Variants in ST6GALNAC3 observed in about 807,000 individuals in gnomAD.
The protein encoded by ST6GALNAC3 is alpha-N-acetylgalactosaminide alpha-2,6-sialyltransferase 3.
Under a neutral mutation model 32.7 loss-of-function variants are expected in ST6GALNAC3, and 25 were observed. The ratio of observed to expected loss-of-function variants is 0.76; its 90% CI spans 0.56 to 1.07. The LOEUF (loss-of-function observed/expected upper bound fraction) is 1.07, where lower values mean the gene tolerates loss of function less well. ST6GALNAC3 is among the 50% of genes least tolerant of loss of function. The pLI is 0.00. For missense variants in ST6GALNAC3, 355 were observed against 382.4 expected (o/e 0.93, Z 0.60); for synonymous variants, 129 against 133.1 (o/e 0.97, Z 0.21).
Position 76,569,896 on chromosome 1 carries a change from G to A in ST6GALNAC3, c.624-57556G>A, listed in dbSNP as rs568892286. On this transcript the variant is annotated intron_variant, in intron 3 of 4. Coordinates refer to ENST00000328299, the MANE Select transcript of ST6GALNAC3 (RefSeq NM_152996.4). ...AAGCCATGAAACTCCTATGTTCTTGGATTTGATGTTCATAAAATTAAGGAA... is the reference window on the plus strand; with the variant it reads ...AAGCCATGAAACTCCTATGTTCTTGAATTTGATGTTCATAAAATTAAGGAA... Among the ~76,000 whole-genome samples, 3 of 152,054 alleles carry A rather than the reference G, an allele frequency of 2.0e-5. No homozygotes were observed. In the South Asian group the frequency reaches 6.2e-4, roughly 32 times the overall value.
intron 1 of ST6GALNAC3, among the ~76,000 whole-genome samples, chr1:76,125,731 A>G (rs748153478): frequency 6.6e-6 from 1 of 152,208 alleles, no homozygotes; most frequent in East Asian, 1.9e-4. Flanking sequence ...CGCTTCTGGC[A>G]TCTTAGCTTT....
At chr1:76,081,672 T>C (rs1179559300) in intron 1 of ST6GALNAC3, among the ~76,000 whole-genome samples, 1 of 152,196 alleles carries the variant, frequency 6.6e-6, no homozygotes, top group Non-Finnish European at 1.5e-5. Context: ...TCTTTGACCC[T>C]GGGCAAGTTA....
chr1:76,202,152 C>T (rs1401868705), intron 1 of ST6GALNAC3, among the ~76,000 whole-genome samples: 1 of 151,964 alleles, frequency 6.6e-6, no homozygotes, highest in Non-Finnish European at 1.5e-5. Flanking sequence ...ATGAATACAT[C>T]TTTGATTTCA....
chr1:76,149,079 A>T (rs903938798), intron 1 of ST6GALNAC3, among the ~76,000 whole-genome samples: 2 of 152,212 alleles, frequency 1.3e-5, no homozygotes, highest in African/African-American at 4.8e-5. Flanking sequence ...TAAAGCTTGG[A>T]GCACAGTGTA....
chr1:76,203,012 A>G (rs1241709891), intron 1 of ST6GALNAC3, among the ~76,000 whole-genome samples: 1 of 152,236 alleles, frequency 6.6e-6, no homozygotes, highest in African/African-American at 2.4e-5. Context: ...GGGGAGTTGC[A>G]GGATTGGAAT....
intron 3 of ST6GALNAC3, among the ~76,000 whole-genome samples, chr1:76,550,384 C>G (rs999279738): frequency 6.6e-6 from 1 of 152,128 alleles, no homozygotes; most frequent in Admixed American, 6.5e-5. Flanking sequence ...GCATAGGTAA[C>G]TAGTCATCTC....
chr1:76,170,109 A>G (rs989319789), intron 1 of ST6GALNAC3, among the ~76,000 whole-genome samples: 29 of 152,150 alleles, frequency 1.9e-4, no homozygotes, highest in African/African-American at 7.0e-4. Context: ...TTAGAGGGCC[A>G]ACATTCAGCT....
intron 3 of ST6GALNAC3, among the ~76,000 whole-genome samples, chr1:76,431,486 T>C (rs999877796): frequency 6.6e-6 from 1 of 152,190 alleles, no homozygotes; most frequent in Non-Finnish European, 1.5e-5. Context: ...CTATCACAAA[T>C]TATCATTCTG....
intron 1 of ST6GALNAC3, among the ~76,000 whole-genome samples, chr1:76,268,532 G>T (rs909570103): frequency 6.6e-6 from 1 of 152,136 alleles, no homozygotes; most frequent in South Asian, 2.1e-4. Context: ...AGCCATGCAC[G>T]AGTGATCTTG....
chr1:76,147,059 C>G (rs113701587), intron 1 of ST6GALNAC3, among the ~76,000 whole-genome samples: 1,567 of 149,164 alleles, frequency 0.011, 8 homozygotes, highest in Non-Finnish European at 0.016. Context: ...TCACTCCCCC[C>G]ACTTCTTTTT....
At chr1:76,427,780 A>G (rs200424767) in intron 3 of ST6GALNAC3, among the ~76,000 whole-genome samples, 1 of 152,152 alleles carries the variant, frequency 6.6e-6, no homozygotes. Context: ...GGAGACAGAT[A>G]TAGTTTCACA....
At chr1:76,139,464 T>G (rs1335622972) in intron 1 of ST6GALNAC3, among the ~76,000 whole-genome samples, 1 of 152,176 alleles carries the variant, frequency 6.6e-6, no homozygotes, top group Non-Finnish European at 1.5e-5. Context: ...AAATGCTCAT[T>G]CGGCAACAGT....
At chr1:76,279,852 A>G in intron 1 of ST6GALNAC3, among the ~76,000 whole-genome samples, 1 of 152,228 alleles carries the variant, frequency 6.6e-6, no homozygotes, top group East Asian at 1.9e-4. Flanking sequence ...GATCCTCTTT[A>G]TAGATGCAAC....
chr1:76,628,992 G>A lies in ST6GALNAC3; in HGVS notation c.*186G>A. The A allele has an allele frequency of 7.1e-7, 1 of 1,398,778 alleles. No homozygotes were observed. Among genetic ancestry groups the A allele is most frequent in the East Asian group, 2.7e-5 (1 of 36,924 alleles). The allele number at this position is 1,398,778 out of a possible 1,614,324, so 86.6% of individuals were successfully genotyped here. A position where few individuals can be genotyped will look rare whatever the true frequency, so the allele number is the denominator to read the frequency against. ...TTAAACTTGGCATTTCATGGAGGATGGTTGTGCTCATGATGTTCTTTCTGG... is the reference window on the plus strand; with the variant it reads ...TTAAACTTGGCATTTCATGGAGGATAGTTGTGCTCATGATGTTCTTTCTGG... On this transcript the variant is annotated 3_prime_UTR_variant, in exon 5 of 5. Transcript: ENST00000328299.
At chr1:76,161,123 T>C (rs1295583174) in intron 1 of ST6GALNAC3, among the ~76,000 whole-genome samples, 1 of 152,196 alleles carries the variant, frequency 6.6e-6, no homozygotes, top group Admixed American at 6.5e-5. Flanking sequence ...TTAAGTGCTA[T>C]TGCCTTTCAG....
chr1:76,335,155 G>T (rs1647357919), intron 2 of ST6GALNAC3, among the ~76,000 whole-genome samples: 1 of 152,196 alleles, frequency 6.6e-6, no homozygotes, highest in Admixed American at 6.5e-5. Context: ...AGTGAAAATT[G>T]TAAGAAGCAT....
chr1:76,411,201 G>C (rs1236894580), intron 2 of ST6GALNAC3, among the ~76,000 whole-genome samples: 1 of 152,134 alleles, frequency 6.6e-6, no homozygotes, highest in Non-Finnish European at 1.5e-5. Context: ...TGGGCTTAGA[G>C]TTAGACGATC....
chr1:76,316,697 A>G (rs1297931294), intron 2 of ST6GALNAC3, among the ~76,000 whole-genome samples: 1 of 152,110 alleles, frequency 6.6e-6, no homozygotes, highest in Non-Finnish European at 1.5e-5. Context: ...GCAATATACT[A>G]TCTGTTGATC....
chr1:76,279,860 A>G (rs1659394286), intron 1 of ST6GALNAC3, among the ~76,000 whole-genome samples: 1 of 152,194 alleles, frequency 6.6e-6, no homozygotes, highest in Admixed American at 6.5e-5. Flanking sequence ...TTATAGATGC[A>G]ACTTGAGAAA....
Sources: allele counts gnomAD v4.1 joint callset (sites outside exome capture counted in the v4.1 genomes callset), GRCh38; gene constraint gnomAD v4.1.1; transcripts MANE v1.5; gene names NCBI Gene and HGNC (gene_info 2026-07-23, HGNC 2026-07-21).